The following ATL2 variants were observed in gnomAD, a reference collection of about 807,000 sequenced individuals.
The protein encoded by ATL2 is atlastin-2.
In ATL2, 31 loss-of-function variants were observed where a neutral mutation model predicts 73.9. The ratio of observed to expected loss-of-function variants is 0.42; its 90% CI spans 0.32 to 0.57. ATL2 has a LOEUF of 0.57. ATL2 is among the 20% of genes least tolerant of loss of function. The probability of loss-of-function intolerance (pLI) is 0.14; values close to 1 mark genes in which losing one functional copy is unlikely to be tolerated. For missense variants in ATL2, 738 were observed against 702.6 expected (o/e 1.05, Z -0.57); for synonymous variants, 291 against 237.5 (o/e 1.23, Z -2.07).
Position 38,329,062 on chromosome 2 carries a change from T to A in ATL2, c.364-10043A>T, listed in dbSNP as rs916941232. Among the ~76,000 whole-genome samples the A allele has an allele frequency of 2.1e-5, 3 of 143,308 alleles. 1 individual carries two copies. In the Admixed American group the frequency reaches 2.2e-4, roughly 10 times the overall value. The allele number at this position is 143,308 out of a possible 152,430, so 94.0% of individuals were successfully genotyped here. A position where few individuals can be genotyped will look rare whatever the true frequency, so the allele number is the denominator to read the frequency against. ...CACAAAGTTAGTAACTTAGTTGAAA[T>A]GGAGCAATTCTTGGAAAGAAACAAA... On this transcript the variant is annotated intron_variant, in intron 2 of 12. Transcript: ENST00000378954.
chr2:38,337,176 AAAAC>A (rs1558425578), intron 2 of ATL2, among the ~76,000 whole-genome samples: 2 of 151,956 alleles, frequency 1.3e-5, no homozygotes, highest in East Asian at 1.9e-4. Context: ...AAAAAAAACA[AAAAC>A]AAAAACGAAA....
chr2:38,343,553 ATAT>A, intron 1 of ATL2, 41 bp from the exon 2 acceptor site: 1 of 1,572,116 alleles, frequency 6.4e-7, no homozygotes, highest in Non-Finnish European at 8.6e-7. Flanking sequence ...TTTAATCCCT[ATAT>A]TACGAACTTT....
chr2:38,357,821 T>C (rs1670766586), intron 1 of ATL2, among the ~76,000 whole-genome samples: 1 of 152,156 alleles, frequency 6.6e-6, no homozygotes, highest in Non-Finnish European at 1.5e-5. Flanking sequence ...GCTTAAAAAT[T>C]AGCCTCAATA....
intron 9 of ATL2, among the ~76,000 whole-genome samples, chr2:38,304,667 T>C (rs1667356883): frequency 6.6e-6 from 1 of 152,174 alleles, no homozygotes; most frequent in Non-Finnish European, 1.5e-5. Context: ...AGTTAAAGTG[T>C]AGAATTTTTA....
chr2:38,317,224 G>A (rs2148433672), intron 4 of ATL2, among the ~76,000 whole-genome samples: 1 of 152,094 alleles, frequency 6.6e-6, no homozygotes, highest in African/African-American at 2.4e-5. Context: ...TTCTTATCTT[G>A]GGAGGATCAC....
At chr2:38,300,163 C>T (rs1015024222) in intron 10 of ATL2, 109 bp downstream of exon 10, 28 of 941,922 alleles carry the variant, frequency 3.0e-5, no homozygotes, top group African/African-American at 4.9e-5. Context: ...AATGTGTTTG[C>T]ATGCAAAAAA....
At chr2:38,297,456 G>A (rs1034509223) in intron 12 of ATL2, among the ~76,000 whole-genome samples, 2 of 152,154 alleles carry the variant, frequency 1.3e-5, no homozygotes, top group Non-Finnish European at 2.9e-5. Flanking sequence ...GGTAATTCCA[G>A]CACACCGGAG....
chr2:38,300,045 G>A (rs1667101879), intron 10 of ATL2, among the ~76,000 whole-genome samples: 1 of 152,090 alleles, frequency 6.6e-6, no homozygotes, highest in Admixed American at 6.5e-5. Flanking sequence ...AAGGTACTGA[G>A]GACTCTTATT....
chr2:38,322,559 T>C (rs1483685850), intron 2 of ATL2, among the ~76,000 whole-genome samples: 1 of 152,216 alleles, frequency 6.6e-6, no homozygotes, highest in Non-Finnish European at 1.5e-5. Flanking sequence ...TTTATAAGTA[T>C]AGATGACTGA....
chr2:38,378,383 TC>T (rs1672094175), upstream of ATL2, among the ~76,000 whole-genome samples: 1 of 151,822 alleles, frequency 6.6e-6, no homozygotes, highest in African/African-American at 2.4e-5. Context: ...GGGATTACAG[TC>T]CCCCGCCACC....
At position 38,310,399 on chromosome 2, in the gene ATL2, G is replaced by T. The variant is rs373365211; in HGVS notation, c.853C>A (p.His285Asn). The change falls in exon 8 of 13, where the codon CAC becomes AAC. Residue 285 changes from histidine to asparagine, a missense_variant. His to Asn is a moderately conservative substitution (Grantham distance 68, BLOSUM62 1). Coordinates refer to ENST00000378954, the MANE Select transcript of ATL2 (RefSeq NM_001135673.4). Reference sequence around the variant, plus strand: ...CAACCAAGATTTGAGAAACAATTGTGTATGTGCTTCCTTACATTCTGAAGC... The same window carrying T: ...CAACCAAGATTTGAGAAACAATTGTTTATGTGCTTCCTTACATTCTGAAGC... ...EELQNVRKHIHNCFSNLGCFL... is the reference protein window; with the variant it reads ...EELQNVRKHINNCFSNLGCFL... 2 of 1,612,426 alleles carry T rather than the reference G, an allele frequency of 1.2e-6. No individual in the cohort carries two copies. The highest frequency in any genetic ancestry group is 1.7e-6 in the Non-Finnish European group (2 of 1,179,286).
At chr2:38,373,138 G>A (rs891905994) in intron 1 of ATL2, among the ~76,000 whole-genome samples, 1 of 152,102 alleles carries the variant, frequency 6.6e-6, no homozygotes, top group Non-Finnish European at 1.5e-5. Flanking sequence ...GAGGGCTCCA[G>A]GCTCTGAGAG....
In ATL2 at chr2:38,297,087, A is replaced by G. The variant is rs548633547; in HGVS notation, c.1633-974T>C. On this transcript the variant is annotated intron_variant, in intron 12 of 12. Transcript: ENST00000378954. ...ATTTAAATAGAATAAATATCCAAAC[A>G]TAAACTTCCCAATCGGATCTGAATA... Among the ~76,000 whole-genome samples the G allele has an allele frequency of 2.6e-5, 4 of 152,356 alleles. No individual in the cohort carries two copies. The South Asian group carries it at 8.3e-4, about 32-fold the overall frequency.
chr2:38,376,055 A>G (rs944277931), intron 1 of ATL2: 2 of 1,381,132 alleles, frequency 1.4e-6, no homozygotes, highest in Non-Finnish European at 1.9e-6. Flanking sequence ...AAAAAAAGAA[A>G]TCTTAAGACA....
At chr2:38,363,455 T>C (rs1372442163) in intron 1 of ATL2, among the ~76,000 whole-genome samples, 2 of 152,142 alleles carry the variant, frequency 1.3e-5, no homozygotes, top group Non-Finnish European at 2.9e-5. Flanking sequence ...TATGTATTTA[T>C]ACAGTCAGCA....
At chr2:38,366,690 A>C (rs1003573864) in intron 1 of ATL2, among the ~76,000 whole-genome samples, 2 of 152,194 alleles carry the variant, frequency 1.3e-5, no homozygotes, top group Non-Finnish European at 2.9e-5. Flanking sequence ...TTAACTCACA[A>C]ATATGCATAA....
chr2:38,299,470 G>A (rs1246482992), intron 10 of ATL2, 143 bp from the exon 11 acceptor site: 1 of 819,390 alleles, frequency 1.2e-6, no homozygotes, highest in Non-Finnish European at 1.7e-6. Context: ...CCTATGCAAG[G>A]GAACGTTGGT....
intron 3 of ATL2, 45 bp downstream of exon 3, chr2:38,318,840 G>C (rs1213351268): frequency 1.3e-6 from 2 of 1,581,036 alleles, no homozygotes; most frequent in Non-Finnish European, 1.7e-6. Flanking sequence ...CTGGAAAATA[G>C]CCCAAGAAAG....
intron 2 of ATL2, among the ~76,000 whole-genome samples, chr2:38,339,917 C>T (rs1311460994): frequency 6.6e-6 from 1 of 152,116 alleles, no homozygotes; most frequent in Non-Finnish European, 1.5e-5. Context: ...TCTCGAACTC[C>T]TGACCTCAGG....
Sources: gnomAD v4.1 joint callset for allele counts (sites outside exome capture counted in the v4.1 genomes callset) on GRCh38, gnomAD v4.1.1 for gene constraint, MANE v1.5 for transcripts, NCBI Gene and HGNC (gene_info 2026-07-23, HGNC 2026-07-21) for gene names.